The following PLPPR4 variants were observed in gnomAD, a reference collection of about 807,000 sequenced individuals.
PLPPR4 encodes the protein phospholipid phosphatase related 4.
In PLPPR4, 24 loss-of-function variants were observed where a neutral mutation model predicts 56.6. That is an observed-to-expected ratio of 0.42 (90% CI 0.31 to 0.60). The LOEUF is 0.60. Ranked by LOEUF, PLPPR4 falls within the 20% of genes least tolerant of loss-of-function variation. The pLI, the probability that PLPPR4 is intolerant of heterozygous loss-of-function variation, is 0.13. For synonymous variants in PLPPR4, 326 were observed against 328.1 expected, an observed-to-expected ratio of 0.99 and a Z score of 0.07; for missense variants, 654 against 885.8, an observed-to-expected ratio of 0.74 and a Z score of 3.32.
Position 99,288,016 on chromosome 1 carries a change from G to C in PLPPR4, c.130G>C (p.Asp44His), listed in dbSNP as rs777661222. 1 of 1,613,678 alleles carries C rather than the reference G, an allele frequency of 6.2e-7. No homozygotes were observed. Among genetic ancestry groups the C allele is most frequent in the South Asian group, 1.1e-5 (1 of 91,044 alleles). ...VVSLYFLELT[D>H]VFKPVHSGFS... ...TAGCCTCTATTTCCTCGAACTCACA[G>C]ATGTCTTCAAACCTGTGCACTCTGG... Residue 44 changes from aspartate to histidine, a missense_variant, in exon 2 of 7, where the codon GAT (aspartate) becomes CAT (histidine). Asp to His is a moderately conservative substitution (Grantham distance 81, BLOSUM62 -1). This residue lies in a region of PLPPR4 where 186 missense variants were observed against 331.4 expected (regional missense o/e 0.56). Transcript: ENST00000370185.
chr1:99,297,136 A>G (rs1254402625), intron 3 of PLPPR4, among the ~76,000 whole-genome samples: 1 of 152,120 alleles, frequency 6.6e-6, no homozygotes, highest in Non-Finnish European at 1.5e-5. Flanking sequence ...TGAAGTATGA[A>G]TTTATTTTAA....
intron 1 of PLPPR4, among the ~76,000 whole-genome samples, chr1:99,277,906 C>A (rs915001151): frequency 1.3e-5 from 2 of 151,968 alleles, no homozygotes; most frequent in African/African-American, 2.4e-5. Context: ...ATTTGCCTGA[C>A]ATTATTACAA....
At chr1:99,278,486 G>A (rs1659247037) in intron 1 of PLPPR4, among the ~76,000 whole-genome samples, 1 of 152,014 alleles carries the variant, frequency 6.6e-6, no homozygotes, top group African/African-American at 2.4e-5. Flanking sequence ...ATGTTGTAAG[G>A]GAAGAGAAAT....
chr1:99,270,446 C>T (rs190514150), intron 1 of PLPPR4, among the ~76,000 whole-genome samples: 1 of 152,194 alleles, frequency 6.6e-6, no homozygotes, highest in African/African-American at 2.4e-5. Flanking sequence ...GAAGAAGAAG[C>T]CATTGCTGCT....
chr1:99,297,468 C>T (rs1219488525), intron 3 of PLPPR4, among the ~76,000 whole-genome samples: 1 of 152,106 alleles, frequency 6.6e-6, no homozygotes, highest in Non-Finnish European at 1.5e-5. Flanking sequence ...AGCATTGGAC[C>T]ATCCTAATGT....
intron 4 of PLPPR4, among the ~76,000 whole-genome samples, 174 bp downstream of exon 4, chr1:99,299,404 C>A (rs1194857156): frequency 6.6e-6 from 1 of 151,880 alleles, no homozygotes; most frequent in South Asian, 2.1e-4. Context: ...GGGCTTATTC[C>A]AAATTCTTCT....
chr1:99,288,345 T>G (rs906884301), intron 2 of PLPPR4, among the ~76,000 whole-genome samples, 195 bp downstream of exon 2: 1 of 152,198 alleles, frequency 6.6e-6, no homozygotes, highest in African/African-American at 2.4e-5. Context: ...TTAAACATTT[T>G]ATGATTGGAG....
intron 3 of PLPPR4, among the ~76,000 whole-genome samples, chr1:99,298,271 A>G (rs1659793135): frequency 6.6e-6 from 1 of 152,152 alleles, no homozygotes; most frequent in South Asian, 2.1e-4. Context: ...AGAGTGAGAA[A>G]GTTCCAGATC....
chr1:99,264,415 T>C (rs368737612), upstream of PLPPR4: 10 of 1,449,470 alleles, frequency 6.9e-6, no homozygotes, highest in East Asian at 1.2e-4. Context: ...GCTGGGTTGC[T>C]GCAAAAAGGG....
At chr1:99,277,708 A>T (rs905457966) in intron 1 of PLPPR4, among the ~76,000 whole-genome samples, 1 of 151,614 alleles carries the variant, frequency 6.6e-6, no homozygotes, top group Non-Finnish European at 1.5e-5. Flanking sequence ...TGCTGCTCTG[A>T]CAGGGGTTCT....
intron 1 of PLPPR4, among the ~76,000 whole-genome samples, chr1:99,265,143 T>G: frequency 2.9e-5 from 1 of 33,988 alleles, no homozygotes; most frequent in African/African-American, 1.5e-4. Flanking sequence ...TTATTGCTCC[T>G]GCCCCCCCCC....
intron 1 of PLPPR4, among the ~76,000 whole-genome samples, chr1:99,270,178 C>T (rs1024336260): frequency 6.6e-6 from 1 of 152,010 alleles, no homozygotes; most frequent in African/African-American, 2.4e-5. Flanking sequence ...GCATGCACCA[C>T]CACACCCAGC....
At chr1:99,294,165 G>A (rs1489481105) in intron 2 of PLPPR4, among the ~76,000 whole-genome samples, 1 of 151,816 alleles carries the variant, frequency 6.6e-6, no homozygotes, top group Non-Finnish European at 1.5e-5. Flanking sequence ...CCTATACCCT[G>A]AGGAGACCTA....
intron 3 of PLPPR4, 131 bp downstream of exon 3, chr1:99,296,998 T>C (rs1184720860): frequency 1.0e-6 from 1 of 991,418 alleles, no homozygotes; most frequent in Non-Finnish European, 1.3e-6. Context: ...GAGTTTTATA[T>C]TGTACAAGAA....
chr1:99,265,958 T>C (rs1313066151), intron 1 of PLPPR4, among the ~76,000 whole-genome samples: 1 of 152,206 alleles, frequency 6.6e-6, no homozygotes, highest in Non-Finnish European at 1.5e-5. Flanking sequence ...CCTGCATTCA[T>C]GAACCATAGA....
chr1:99,298,888 G>A, intron 3 of PLPPR4, 147 bp from the exon 4 acceptor site: 1 of 717,210 alleles, frequency 1.4e-6, no homozygotes, highest in South Asian at 1.5e-5. Context: ...TAGAAGTTTA[G>A]GAATTTTCTA....
intron 1 of PLPPR4, among the ~76,000 whole-genome samples, chr1:99,265,383 A>G (rs1658870047): frequency 6.6e-6 from 1 of 152,220 alleles, no homozygotes; most frequent in Admixed American, 6.5e-5. Context: ...TTATAGATAA[A>G]CAATTAAATG....
chr1:99,287,181 T>C (rs1227816761), intron 1 of PLPPR4, among the ~76,000 whole-genome samples: 1 of 152,208 alleles, frequency 6.6e-6, no homozygotes, highest in Non-Finnish European at 1.5e-5. Context: ...AATGATGGCT[T>C]CCAGCTTCAT....
chr1:99,278,186 A>G (rs1659239457), intron 1 of PLPPR4, among the ~76,000 whole-genome samples: 2 of 152,154 alleles, frequency 1.3e-5, no homozygotes, highest in Non-Finnish European at 2.9e-5. Flanking sequence ...CTGTACAATA[A>G]TCACAAACAT....
Sources: allele counts gnomAD v4.1 joint callset (sites outside exome capture counted in the v4.1 genomes callset), GRCh38; gene constraint gnomAD v4.1.1; regional missense constraint gnomAD v4.1.1; transcripts MANE v1.5; gene names NCBI Gene and HGNC (gene_info 2026-07-23, HGNC 2026-07-21).